The following PTPRT variants were observed in gnomAD, a reference collection of about 807,000 sequenced individuals.
PTPRT encodes the protein receptor-type tyrosine-protein phosphatase T.
A neutral mutation model predicts 176.8 loss-of-function variants in PTPRT; 56 were observed. The observed-to-expected ratio is 0.32, with a 90% confidence interval of 0.26 to 0.40. The LOEUF (loss-of-function observed/expected upper bound fraction) is 0.40, where lower values mean the gene tolerates loss of function less well. Among genes scored for constraint, PTPRT ranks in the 10% least tolerant of loss-of-function variants. The pLI, the probability that PTPRT is intolerant of heterozygous loss-of-function variation, is 1.00. For synonymous variants in PTPRT, 783 were observed against 739.0 expected (o/e 1.06, Z -0.96); for missense variants, 1,540 against 1,908.2 (o/e 0.81, Z 3.60).
chr20:42,414,471 GTTA>G (rs1414245079), intron 9 of PTPRT, among the ~76,000 whole-genome samples: 1 of 152,184 alleles, frequency 6.6e-6, no homozygotes, highest in East Asian at 1.9e-4. Flanking sequence ...GGTAAAAACA[GTTA>G]TTATTTGCAG....
At chr20:42,559,084 T>A (rs1287723448) in intron 7 of PTPRT, among the ~76,000 whole-genome samples, 1 of 152,132 alleles carries the variant, frequency 6.6e-6, no homozygotes, top group Non-Finnish European at 1.5e-5. Flanking sequence ...CCTAATAATA[T>A]CCTTAGTGCT....
At chr20:42,935,142 C>A (rs1217373316) in intron 1 of PTPRT, among the ~76,000 whole-genome samples, 1 of 135,884 alleles carries the variant, frequency 7.4e-6, no homozygotes, top group East Asian at 2.1e-4. Flanking sequence ...ATTGCTTTTG[C>A]CATAATTTTT....
At chr20:42,741,020 G>A (rs2076601546) in intron 6 of PTPRT, among the ~76,000 whole-genome samples, 1 of 152,290 alleles carries the variant, frequency 6.6e-6, no homozygotes, top group East Asian at 1.9e-4. Flanking sequence ...AAAGGATAAA[G>A]AATATTAAGG....
intron 19 of PTPRT, among the ~76,000 whole-genome samples, chr20:42,123,641 T>C (rs559164482): frequency 2.0e-5 from 3 of 152,330 alleles, no homozygotes; most frequent in Non-Finnish European, 4.4e-5. Flanking sequence ...TCTTTCATCA[T>C]CCACTGGCTC....
intron 1 of PTPRT, among the ~76,000 whole-genome samples, chr20:42,906,162 C>A (rs1446352524): frequency 6.6e-6 from 1 of 152,164 alleles, no homozygotes; most frequent in East Asian, 1.9e-4. Flanking sequence ...GAAGAACCCA[C>A]AAGCGTCTGG....
intron 2 of PTPRT, among the ~76,000 whole-genome samples, chr20:42,881,783 A>G (rs2079016274): frequency 1.3e-5 from 2 of 152,138 alleles, no homozygotes; most frequent in South Asian, 4.2e-4. Context: ...CGAAAGAGAA[A>G]TCAACAAAGT....
chr20:42,425,648 T>C (rs1348171775), intron 9 of PTPRT, among the ~76,000 whole-genome samples: 1 of 152,214 alleles, frequency 6.6e-6, no homozygotes, highest in Non-Finnish European at 1.5e-5. Flanking sequence ...ATCATAACTA[T>C]GTGAGGAGAT....
intron 6 of PTPRT, among the ~76,000 whole-genome samples, chr20:42,742,451 G>A (rs2076625634): frequency 6.6e-6 from 1 of 152,152 alleles, no homozygotes; most frequent in South Asian, 2.1e-4. Flanking sequence ...GAGGAGAGGT[G>A]GTGCTGTACT....
chr20:42,498,285 A>G (rs987111749), intron 7 of PTPRT, among the ~76,000 whole-genome samples: 1 of 152,118 alleles, frequency 6.6e-6, no homozygotes, highest in Admixed American at 6.5e-5. Context: ...CTGAAAATAA[A>G]CTAGTTCAGG....
At chr20:42,654,602 T>A (rs558993875) in intron 7 of PTPRT, among the ~76,000 whole-genome samples, 26 of 152,206 alleles carry the variant, frequency 1.7e-4, no homozygotes, top group Non-Finnish European at 2.5e-4. Context: ...ATCCAGACAA[T>A]ACCAGCTTTG....
At chr20:42,653,564 G>A (rs1172278464) in intron 7 of PTPRT, among the ~76,000 whole-genome samples, 2 of 152,210 alleles carry the variant, frequency 1.3e-5, no homozygotes, top group Admixed American at 1.3e-4. Flanking sequence ...GCCCACAGAT[G>A]TGTCTGATCT....
chr20:43,149,668 A>C (rs556677247), intron 1 of PTPRT, among the ~76,000 whole-genome samples: 14 of 152,244 alleles, frequency 9.2e-5, no homozygotes, highest in Non-Finnish European at 1.9e-4. Flanking sequence ...TAAATGAGGT[A>C]ACATGTGTGA....
chr20:42,242,650 G>A (rs2056376432), intron 14 of PTPRT, among the ~76,000 whole-genome samples: 1 of 152,170 alleles, frequency 6.6e-6, no homozygotes, highest in Non-Finnish European at 1.5e-5. Context: ...AAAACTTATG[G>A]AGCAGAGGTG....
chr20:42,144,664 C>G (rs1988782611), intron 17 of PTPRT, among the ~76,000 whole-genome samples: 1 of 152,136 alleles, frequency 6.6e-6, no homozygotes, highest in South Asian at 2.1e-4. Flanking sequence ...GATTATCAGA[C>G]CATGTTTTGA....
At chr20:42,585,235 C>T (rs1322265463) in intron 7 of PTPRT, among the ~76,000 whole-genome samples, 1 of 152,046 alleles carries the variant, frequency 6.6e-6, no homozygotes, top group Non-Finnish European at 1.5e-5. Context: ...CAGATAGAGT[C>T]TAGGATATAA....
intron 1 of PTPRT, among the ~76,000 whole-genome samples, chr20:43,144,685 A>T (rs1340644381): frequency 6.6e-6 from 1 of 152,196 alleles, no homozygotes; most frequent in Admixed American, 6.5e-5. Flanking sequence ...ACAGGGAATG[A>T]TGCTAATGGG....
intron 30 of PTPRT, among the ~76,000 whole-genome samples, chr20:42,081,447 C>T (rs754028981): frequency 2.0e-5 from 3 of 152,140 alleles, no homozygotes; most frequent in Non-Finnish European, 2.9e-5. Context: ...TCTTATCACC[C>T]GGGGCTCTGC....
intron 7 of PTPRT, among the ~76,000 whole-genome samples, chr20:42,551,464 C>G (rs1601248805): frequency 1.3e-5 from 2 of 152,184 alleles, no homozygotes; most frequent in Non-Finnish European, 2.9e-5. Context: ...GCTGCCTACA[C>G]TATTTTCTAT....
intron 7 of PTPRT, among the ~76,000 whole-genome samples, chr20:42,624,024 CAA>C (rs939312524): frequency 2.0e-5 from 2 of 99,706 alleles, no homozygotes; most frequent in African/African-American, 1.1e-4. Context: ...AACAAACAAA[CAA>C]AAAAAAAAAA....
Sources: allele counts gnomAD v4.1 joint callset (sites outside exome capture counted in the v4.1 genomes callset), GRCh38; gene constraint gnomAD v4.1.1; transcripts MANE v1.5; gene names NCBI Gene and HGNC (gene_info 2026-07-23, HGNC 2026-07-21).